Variants in TRAPPC9 observed in about 807,000 individuals in gnomAD.
The protein encoded by TRAPPC9 is IKK2 binding protein.
A neutral mutation model predicts 124.0 loss-of-function variants in TRAPPC9; 83 were observed. The ratio of observed to expected loss-of-function variants is 0.67; its 90% CI spans 0.56 to 0.80. The LOEUF (loss-of-function observed/expected upper bound fraction) is 0.80. Ranked by LOEUF, TRAPPC9 falls within the 30% of genes least tolerant of loss-of-function variation. The probability of loss-of-function intolerance (pLI) is 0.00; values close to 1 mark genes in which losing one functional copy is unlikely to be tolerated. For synonymous variants in TRAPPC9, 638 were observed against 617.5 expected (o/e 1.03, Z -0.49); for missense variants, 1,302 against 1,508.3 (o/e 0.86, Z 2.27).
chr8:140,100,774 C>G (rs546046008), intron 17 of TRAPPC9, among the ~76,000 whole-genome samples: 5 of 152,312 alleles, frequency 3.3e-5, no homozygotes, highest in African/African-American at 1.2e-4. Flanking sequence ...ATCTCACTCA[C>G]GGGTGACAGG....
chr8:140,382,412 A>G (rs201468821), intron 7 of TRAPPC9, among the ~76,000 whole-genome samples: 1 of 152,196 alleles, frequency 6.6e-6, no homozygotes, highest in South Asian at 2.1e-4. Flanking sequence ...GTGACAGATG[A>G]CACCTGGAAA....
intron 21 of TRAPPC9, among the ~76,000 whole-genome samples, chr8:139,836,342 C>T (rs1826346124): frequency 2.0e-5 from 3 of 152,238 alleles, no homozygotes; most frequent in Admixed American, 2.0e-4. Flanking sequence ...AACCAGCTCT[C>T]CATCTCAGAC....
chr8:139,852,097 T>C (rs192708697), intron 21 of TRAPPC9, among the ~76,000 whole-genome samples: 1 of 152,314 alleles, frequency 6.6e-6, no homozygotes, highest in East Asian at 1.9e-4. Flanking sequence ...GTACGTCTCA[T>C]GAGATCTGAT....
intron 21 of TRAPPC9, among the ~76,000 whole-genome samples, chr8:139,829,157 C>T (rs563236792): frequency 2.0e-3 from 299 of 152,314 alleles, no homozygotes; most frequent in Non-Finnish European, 3.5e-3. Context: ...CATATGTGTA[C>T]TAGACTAATG....
At chr8:140,288,981 T>G (rs1180085655) in intron 12 of TRAPPC9, among the ~76,000 whole-genome samples, 1 of 152,128 alleles carries the variant, frequency 6.6e-6, no homozygotes, top group African/African-American at 2.4e-5. Context: ...GATGTGCTGA[T>G]GTTGGGAGCC....
rs1817763031 is a variant in TRAPPC9, at chr8:139,730,771, G to A, written c.*290C>T. 1 of 468,848 alleles carries A rather than the reference G, an allele frequency of 2.1e-6. No homozygotes were observed. Among genetic ancestry groups the A allele is most frequent in the Middle Eastern group, 5.9e-4 (1 of 1,704 alleles). The allele number at this position is 468,848 out of a possible 1,614,324, so 29.0% of individuals were successfully genotyped here. ...CACAGAAATGGGTGCAGGGATCCTG[G>A]GACCTGGGCTGGATGGGCACCCGCT... On this transcript the variant is annotated 3_prime_UTR_variant, in exon 23 of 23. Coordinates refer to ENST00000438773, the MANE Select transcript of TRAPPC9 (RefSeq NM_001160372.4).
In TRAPPC9 at chr8:140,451,211, T is replaced by C; in HGVS notation, c.163A>G (p.Ile55Val). 3 of 1,614,144 alleles carry C rather than the reference T, an allele frequency of 1.9e-6. No homozygotes were observed. In the South Asian group the frequency reaches 3.3e-5, roughly 18 times the overall value. Residue 55 changes from isoleucine to valine, a missense_variant, in exon 2 of 23, where the codon ATC (isoleucine) becomes GTC (valine). By Grantham distance (29) the Ile-to-Val change is conservative. Around this residue, in one of 3 missense-constraint regions of TRAPPC9, gnomAD observed 657 missense variants for 811.2 expected, o/e 0.81. Coordinates refer to ENST00000438773, the MANE Select transcript of TRAPPC9 (RefSeq NM_001160372.4). ...SVRDSQRVLY[I>V]RYRHHYPPEN... is the part of the protein sequence containing the mutation. ...GGTGGGTAGTGGTGCCTGTAGCGGA[T>C]GTAGAGGACTCGCTGGGAGTCCCGC...
chr8:140,272,267 G>C (rs2064951098), intron 15 of TRAPPC9, among the ~76,000 whole-genome samples: 2 of 142,478 alleles, frequency 1.4e-5, no homozygotes, highest in South Asian at 2.6e-4. Flanking sequence ...GGTGGTGTTT[G>C]TGGTGGTGAC....
chr8:140,437,619 G>T (rs968214789), intron 3 of TRAPPC9, among the ~76,000 whole-genome samples: 1 of 152,160 alleles, frequency 6.6e-6, no homozygotes, highest in Admixed American at 6.5e-5. Flanking sequence ...GCGAGACTCC[G>T]TCCCCAAGAA....
chr8:139,899,506 A>C (rs1225250891), intron 20 of TRAPPC9, among the ~76,000 whole-genome samples: 2 of 152,160 alleles, frequency 1.3e-5, no homozygotes, highest in East Asian at 1.9e-4. Context: ...CAGGAAGAGG[A>C]GGCACTGGTC....
chr8:140,056,187 T>A (rs1842279302), intron 17 of TRAPPC9, among the ~76,000 whole-genome samples: 1 of 151,790 alleles, frequency 6.6e-6, no homozygotes, highest in South Asian at 2.1e-4. Flanking sequence ...GGCAGAAGGA[T>A]CACTTGAGCC....
intron 9 of TRAPPC9, among the ~76,000 whole-genome samples, chr8:140,316,851 G>A (rs1348108438): frequency 5.9e-5 from 9 of 152,192 alleles, no homozygotes; most frequent in Admixed American, 1.3e-4. Flanking sequence ...CTCAGGTCCC[G>A]GGCTTTTCTT....
intron 17 of TRAPPC9, among the ~76,000 whole-genome samples, chr8:140,210,101 C>G (rs142808388): frequency 6.6e-6 from 1 of 152,248 alleles, no homozygotes; most frequent in African/African-American, 2.4e-5. Context: ...GCCTCTGTCT[C>G]GCTCTTCTTC....
At chr8:140,179,942 T>C (rs961934237) in intron 17 of TRAPPC9, among the ~76,000 whole-genome samples, 1 of 151,822 alleles carries the variant, frequency 6.6e-6, no homozygotes, top group African/African-American at 2.4e-5. Flanking sequence ...ACTTAATCTA[T>C]GTTTTTATAT....
At position 140,300,592 on chromosome 8, in the gene TRAPPC9, G is replaced by C. The variant is rs909759188; in HGVS notation, c.1645C>G (p.Pro549Ala). The C allele has an allele frequency of 6.2e-6, 10 of 1,614,112 alleles. No homozygotes were observed. Among genetic ancestry groups the C allele is most frequent in the Non-Finnish European group, 8.5e-6 (10 of 1,180,050 alleles). The change falls in exon 11 of 23, where the codon CCT becomes GCT. Residue 549 changes from proline (P) to alanine (A), a missense_variant. Transcript: ENST00000438773. ...ATTTTGTGTGGCCGGAGGCTAGCAG[G>C]AAGGTTCAATAGTTTCACATGCCTG... ...IVRHVKLLNL[P>A]ASLRPHKMKS...
intron 18 of TRAPPC9, among the ~76,000 whole-genome samples, chr8:139,996,481 TAAAC>T (rs982830089): frequency 1.5e-4 from 23 of 151,454 alleles, no homozygotes; most frequent in African/African-American, 5.6e-4. Flanking sequence ...AGTAAGGAAT[TAAAC>T]AAGTAAATGT....
chr8:139,987,434 A>G (rs1457112216), intron 19 of TRAPPC9, among the ~76,000 whole-genome samples: 1 of 152,130 alleles, frequency 6.6e-6, no homozygotes, highest in Non-Finnish European at 1.5e-5. Context: ...CATCCTGATG[A>G]GTGTCTCATG....
intron 21 of TRAPPC9, among the ~76,000 whole-genome samples, chr8:139,736,337 G>A (rs1818162963): frequency 1.3e-5 from 2 of 152,202 alleles, no homozygotes; most frequent in African/African-American, 2.4e-5. Flanking sequence ...AAACTGGGAC[G>A]GTGGGTCACA....
intron 9 of TRAPPC9, among the ~76,000 whole-genome samples, chr8:140,357,400 C>A (rs554494833): frequency 6.6e-6 from 1 of 152,090 alleles, no homozygotes. Context: ...ACTCACCAAC[C>A]GTGGGGACTG....
Sources: gnomAD v4.1 joint callset for allele counts (sites outside exome capture counted in the v4.1 genomes callset) on GRCh38, gnomAD v4.1.1 for gene constraint, gnomAD v4.1.1 regional missense constraint, MANE v1.5 for transcripts, NCBI Gene and HGNC (gene_info 2026-07-23, HGNC 2026-07-21) for gene names.